ZFAND6: variants seen among roughly 807,000 people sequenced by gnomAD.
The protein encoded by ZFAND6 is AN1-type zinc finger protein 6.
In ZFAND6, 12 loss-of-function variants were observed where a neutral mutation model predicts 24.5. The ratio of observed to expected loss-of-function variants is 0.49; its 90% CI spans 0.31 to 0.79. ZFAND6 has a LOEUF of 0.79. ZFAND6 is among the 30% of genes least tolerant of loss of function. ZFAND6 has a pLI of 0.04. For synonymous variants in ZFAND6, 92 were observed against 81.5 expected (o/e 1.13, Z -0.69); for missense variants, 207 against 245.9 (o/e 0.84, Z 1.06).
chr15:80,074,134 C>G (rs2037133721), intron 1 of ZFAND6, among the ~76,000 whole-genome samples: 1 of 151,916 alleles, frequency 6.6e-6, no homozygotes. Flanking sequence ...ATGGAGCTCT[C>G]TGACTTGTTG....
At chr15:80,133,067 A>G (rs924127365) in intron 6 of ZFAND6, among the ~76,000 whole-genome samples, 2 of 152,094 alleles carry the variant, frequency 1.3e-5, no homozygotes, top group African/African-American at 4.8e-5. Context: ...ATGTGGGTGC[A>G]GGATTGCTAT....
chr15:80,131,710 C>CA (rs2142053442), intron 6 of ZFAND6, among the ~76,000 whole-genome samples: 1 of 152,318 alleles, frequency 6.6e-6, no homozygotes, highest in African/African-American at 2.4e-5. Flanking sequence ...CCAGTGCTGC[C>CA]ACACAGTAAG....
chr15:80,102,015 C>A (rs1221198715), intron 2 of ZFAND6, among the ~76,000 whole-genome samples: 2 of 151,944 alleles, frequency 1.3e-5, no homozygotes, highest in Non-Finnish European at 2.9e-5. Flanking sequence ...CCAGGATGGT[C>A]TTGATCTCCT....
At chr15:80,123,744 C>G (rs1044256463) in intron 5 of ZFAND6, among the ~76,000 whole-genome samples, 3 of 152,140 alleles carry the variant, frequency 2.0e-5, no homozygotes, top group African/African-American at 4.8e-5. Flanking sequence ...TGAGGCGGCA[C>G]ATACCTGTAG....
intron 1 of ZFAND6, among the ~76,000 whole-genome samples, chr15:80,071,705 C>T (rs2036988230): frequency 6.7e-6 from 1 of 150,346 alleles, no homozygotes; most frequent in Non-Finnish European, 1.5e-5. Flanking sequence ...GGTGCCCATG[C>T]CACTTTGAAG....
chr15:80,133,914 C>T (rs1382315772), intron 6 of ZFAND6, among the ~76,000 whole-genome samples: 7 of 151,572 alleles, frequency 4.6e-5, no homozygotes, highest in East Asian at 1.9e-4. Context: ...TTTTCGTGAT[C>T]GGTTACATTA....
chr15:80,065,629 T>C (rs1160044815), intron 1 of ZFAND6, among the ~76,000 whole-genome samples: 1 of 148,846 alleles, frequency 6.7e-6, no homozygotes, highest in Non-Finnish European at 1.5e-5. Context: ...CACTGCAGCC[T>C]TTGTCTCCAG....
intron 2 of ZFAND6, among the ~76,000 whole-genome samples, chr15:80,108,731 TTTTG>T (rs1018773761): frequency 3.1e-5 from 3 of 96,728 alleles, no homozygotes; most frequent in Non-Finnish European, 7.7e-5. Context: ...ATCCTTGTTT[TTTTG>T]TTTTTTTTCT....
At chr15:80,066,122 G>A (rs1427030594) in intron 1 of ZFAND6, among the ~76,000 whole-genome samples, 1 of 152,054 alleles carries the variant, frequency 6.6e-6, no homozygotes, top group African/African-American at 2.4e-5. Flanking sequence ...CCTTCATCCA[G>A]TTACAGTCTG....
At chr15:80,087,911 T>C (rs529082671) in intron 1 of ZFAND6, among the ~76,000 whole-genome samples, 1 of 152,290 alleles carries the variant, frequency 6.6e-6, no homozygotes, top group East Asian at 1.9e-4. Flanking sequence ...ATGCATTGTA[T>C]ATATAATACA....
At chr15:80,133,372 T>C (rs1352399680) in intron 6 of ZFAND6, among the ~76,000 whole-genome samples, 1 of 151,994 alleles carries the variant, frequency 6.6e-6, no homozygotes, top group African/African-American at 2.4e-5. Flanking sequence ...TTTGTATTTC[T>C]TTAGTAGAGA....
chr15:80,064,567 AATATAC>A (rs771228284), intron 1 of ZFAND6, among the ~76,000 whole-genome samples: 21 of 151,386 alleles, frequency 1.4e-4, no homozygotes, highest in East Asian at 1.9e-4. Flanking sequence ...ATATACTGCA[AATATAC>A]ATATACACAC....
chr15:80,130,084 C>T (rs1213377840), intron 5 of ZFAND6: 1 of 152,150 alleles, frequency 6.6e-6, no homozygotes, highest in East Asian at 1.9e-4. Context: ...GAATTCTAAA[C>T]ATCAGAGGGA....
chr15:80,110,012 C>G lies in ZFAND6; in HGVS notation c.-17-10316C>G, dbSNP rs532703749. ...TAGAGAAGATCGGCTTCCTGGTTCACTCATATAGCTGTTGGCCAGAGACCT... is the reference window on the plus strand; with the variant it reads ...TAGAGAAGATCGGCTTCCTGGTTCAGTCATATAGCTGTTGGCCAGAGACCT... On this transcript the variant is annotated intron_variant, in intron 2 of 6. Transcript: ENST00000261749. Among the ~76,000 whole-genome samples the G allele has an allele frequency of 1.4e-3, 218 of 152,330 alleles. 1 individual carries two copies. The highest frequency in any genetic ancestry group is 3.1e-3 in the Admixed American group (47 of 15,294).
At chr15:80,108,207 A>G (rs1318184732) in intron 2 of ZFAND6, among the ~76,000 whole-genome samples, 2 of 152,204 alleles carry the variant, frequency 1.3e-5, no homozygotes, top group African/African-American at 4.8e-5. Context: ...AGCAGAAAAG[A>G]TATAAATTTA....
At chr15:80,114,580 G>T (rs2039779064) in intron 2 of ZFAND6, among the ~76,000 whole-genome samples, 1 of 152,168 alleles carries the variant, frequency 6.6e-6, no homozygotes, top group South Asian at 2.1e-4. Context: ...ATAAAAGAGG[G>T]TGAAGCATTT....
chr15:80,061,327 G>C (rs1358396356), intron 1 of ZFAND6, among the ~76,000 whole-genome samples: 1 of 152,044 alleles, frequency 6.6e-6, no homozygotes, highest in Non-Finnish European at 1.5e-5. Context: ...AATATGTGCA[G>C]TTTATTGTCA....
chr15:80,065,000 CCCTT>C (rs1180328747), intron 1 of ZFAND6, among the ~76,000 whole-genome samples: 2 of 85,718 alleles, frequency 2.3e-5, no homozygotes, highest in African/African-American at 7.5e-5. Context: ...CTCTCTCTCC[CCCTT>C]TTTTTTTTTT....
chr15:80,128,062 G>A (rs2040446919), intron 5 of ZFAND6, among the ~76,000 whole-genome samples: 1 of 152,124 alleles, frequency 6.6e-6, no homozygotes, highest in Non-Finnish European at 1.5e-5. Context: ...AAAATATGCT[G>A]AATAAAAGAA....
Sources: allele counts gnomAD v4.1 joint callset (sites outside exome capture counted in the v4.1 genomes callset), GRCh38; gene constraint gnomAD v4.1.1; transcripts MANE v1.5; gene names NCBI Gene and HGNC (gene_info 2026-07-23, HGNC 2026-07-21).